NOS1AP: variants seen among roughly 807,000 people sequenced by gnomAD.
The protein encoded by NOS1AP is carboxyl-terminal PDZ ligand of neuronal nitric oxide synthase protein.
NOS1AP carries 21 observed loss-of-function variants against 56.2 expected under a neutral mutation model. The observed-to-expected ratio is 0.37, with a 90% CI of 0.26 to 0.54. The LOEUF (loss-of-function observed/expected upper bound fraction) is 0.54, where lower values mean the gene tolerates loss of function less well. NOS1AP is among the 20% of genes least tolerant of loss of function. NOS1AP has a pLI of 0.84. For missense variants in NOS1AP, 522 were observed against 657.8 expected (o/e 0.79, Z 2.26); for synonymous variants, 270 against 274.6 (o/e 0.98, Z 0.17).
chr1:162,248,139 A>G (rs1653733564), intron 2 of NOS1AP, among the ~76,000 whole-genome samples: 1 of 152,080 alleles, frequency 6.6e-6, no homozygotes, highest in Non-Finnish European at 1.5e-5. Context: ...ATATAAATCA[A>G]AAGACCTTTT....
intron 2 of NOS1AP, among the ~76,000 whole-genome samples, chr1:162,224,517 G>C (rs1038084077): frequency 6.6e-6 from 1 of 152,178 alleles, no homozygotes; most frequent in Non-Finnish European, 1.5e-5. Context: ...TTGGAATGCT[G>C]GGGGTCAGGA....
chr1:162,351,966 G>A (rs1041868940), intron 6 of NOS1AP, among the ~76,000 whole-genome samples: 2 of 152,178 alleles, frequency 1.3e-5, no homozygotes, highest in South Asian at 4.1e-4. Context: ...CGGGAATGAA[G>A]TGCACCTTTG....
chr1:162,327,757 T>C (rs927967120), intron 4 of NOS1AP, among the ~76,000 whole-genome samples: 5 of 152,216 alleles, frequency 3.3e-5, no homozygotes, highest in African/African-American at 4.8e-5. Flanking sequence ...ATAGAAAATA[T>C]TTATCCAAAT....
intron 2 of NOS1AP, among the ~76,000 whole-genome samples, chr1:162,241,607 A>G (rs1653490360): frequency 6.6e-6 from 1 of 152,164 alleles, no homozygotes; most frequent in Non-Finnish European, 1.5e-5. Context: ...GCTGGGAAGG[A>G]TTAAGTAACT....
chr1:162,240,150 C>T lies in NOS1AP; in HGVS notation c.178-47194C>T, dbSNP rs554224617. 2.0e-5 allele frequency among the ~76,000 whole-genome samples: 3 copies of T among 152,270 alleles called. No individual in the cohort carries two copies. The East Asian group carries it at 5.8e-4, about 29-fold the overall frequency. On this transcript the variant is annotated intron_variant, in intron 2 of 9. Transcript: ENST00000361897. ...TTATTGCCTTATGGTCTGTCCTTCTCAATAAGCCACAACAACTGCCAGCTG... is the reference window on the plus strand; with the variant it reads ...TTATTGCCTTATGGTCTGTCCTTCTTAATAAGCCACAACAACTGCCAGCTG...
chr1:162,223,075 ATGTTGAG>A (rs1444271238), intron 2 of NOS1AP, among the ~76,000 whole-genome samples: 3 of 152,222 alleles, frequency 2.0e-5, no homozygotes, highest in African/African-American at 7.2e-5. Context: ...TTTATTCAGG[ATGTTGAG>A]TGTAAAGTAT....
chr1:162,175,526 C>T (rs1238485469), intron 2 of NOS1AP, among the ~76,000 whole-genome samples: 5 of 152,100 alleles, frequency 3.3e-5, no homozygotes, highest in Non-Finnish European at 4.4e-5. Flanking sequence ...ACTCCAGGCT[C>T]ATCTGGTGTA....
chr1:162,295,620 C>T (rs1655431349), intron 3 of NOS1AP, among the ~76,000 whole-genome samples: 1 of 151,922 alleles, frequency 6.6e-6, no homozygotes, highest in East Asian at 1.9e-4. Context: ...GAAATACTTG[C>T]AAAACATAGG....
rs56264198 is a variant in NOS1AP, at chr1:162,125,130, C to CTTTTTTTTTTTTTTTTTT, written c.106-29271_106-29254dup. On this transcript the variant is annotated intron_variant, in intron 1 of 9. Coordinates refer to ENST00000361897, the MANE Select transcript of NOS1AP (RefSeq NM_014697.3). Reference sequence around the variant, plus strand: ...ATGCCAACATCTATTGTTTCTGACTCTTTTTTTTTTTTTTTTTTTTTAAGA... The same window carrying CTTTTTTTTTTTTTTTTTT: ...ATGCCAACATCTATTGTTTCTGACTCTTTTTTTTTTTTTTTTTTTTTTTTTTTTTTTTTTTTTTTAAGA... Among the ~76,000 whole-genome samples the CTTTTTTTTTTTTTTTTTT allele has an allele frequency of 3.5e-3, 437 of 124,078 alleles. 21 individuals carry two copies. The highest frequency in any genetic ancestry group is 0.013 in the African/African-American group (413 of 30,896). 81.4% of individuals were successfully genotyped at this position (124,078 alleles called of 152,430 possible).
At chr1:162,349,276 C>CTA (rs1160667293) in intron 6 of NOS1AP, among the ~76,000 whole-genome samples, 2 of 151,766 alleles carry the variant, frequency 1.3e-5, no homozygotes, top group Non-Finnish European at 2.9e-5. Flanking sequence ...GGCTCAGAGT[C>CTA]TACTGATTTA....
intron 2 of NOS1AP, among the ~76,000 whole-genome samples, chr1:162,178,518 G>T (rs1651142691): frequency 1.3e-5 from 2 of 152,150 alleles, no homozygotes. Context: ...ACCCTATGAA[G>T]TAGGGCCTTC....
intron 4 of NOS1AP, among the ~76,000 whole-genome samples, chr1:162,328,864 C>A (rs1474566529): frequency 6.6e-6 from 1 of 152,218 alleles, no homozygotes; most frequent in Non-Finnish European, 1.5e-5. Context: ...TCCTGACAGA[C>A]AGAGATGCTG....
chr1:162,357,179 T>G (rs1657733293), intron 8 of NOS1AP, 43 bp downstream of exon 8: 2 of 1,590,574 alleles, frequency 1.3e-6, no homozygotes, highest in Non-Finnish European at 1.7e-6. Flanking sequence ...TCCACTCTCA[T>G]GGGCTTGATG....
In NOS1AP at chr1:162,114,845, C is replaced by T. The variant is rs145213932; in HGVS notation, c.106-39560C>T. ...CGTTTGCGTCTATGTGACCTCTCCC[C>T]GTGACTAAATCGGAAGTTGTTGTAG... On this transcript the variant is annotated intron_variant, in intron 1 of 9. Transcript: ENST00000361897. Among the ~76,000 whole-genome samples, 115 of 152,284 alleles carry T rather than the reference C, an allele frequency of 7.6e-4. 1 individual carries two copies. The highest frequency in any genetic ancestry group is 1.1e-3 in the African/African-American group (46 of 41,566).
intron 2 of NOS1AP, among the ~76,000 whole-genome samples, chr1:162,264,707 A>G (rs1352901210): frequency 6.8e-6 from 1 of 147,806 alleles, no homozygotes; most frequent in Non-Finnish European, 1.5e-5. Context: ...GGGTTTTGCC[A>G]TGTTGACCAG....
intron 1 of NOS1AP, among the ~76,000 whole-genome samples, chr1:162,121,945 G>C (rs1361836154): frequency 1.3e-5 from 2 of 152,158 alleles, no homozygotes; most frequent in African/African-American, 4.8e-5. Context: ...TTTGAAACAA[G>C]CATATTACAA....
intron 2 of NOS1AP, among the ~76,000 whole-genome samples, chr1:162,157,783 A>C (rs1196877032): frequency 6.6e-6 from 1 of 152,216 alleles, no homozygotes; most frequent in Non-Finnish European, 1.5e-5. Flanking sequence ...TGCCCCATTC[A>C]TTCTTTGAGC....
chr1:162,284,660 T>A (rs145586683), intron 2 of NOS1AP, among the ~76,000 whole-genome samples: 1 of 152,362 alleles, frequency 6.6e-6, no homozygotes, highest in Middle Eastern at 3.4e-3. Context: ...GAGACCTGTT[T>A]CCAGTTCTAA....
chr1:162,273,637 G>A (rs1335205393), intron 2 of NOS1AP, among the ~76,000 whole-genome samples: 1 of 152,136 alleles, frequency 6.6e-6, no homozygotes, highest in Non-Finnish European at 1.5e-5. Flanking sequence ...CTCCTATCCT[G>A]ACACTTCATC....
Sources: gnomAD v4.1 joint callset for allele counts (sites outside exome capture counted in the v4.1 genomes callset) on GRCh38, gnomAD v4.1.1 for gene constraint, MANE v1.5 for transcripts, NCBI Gene and HGNC (gene_info 2026-07-23, HGNC 2026-07-21) for gene names.